The following PCDHGA7 variants were observed in gnomAD, a reference collection of about 807,000 sequenced individuals.
PCDHGA7 encodes the protein protocadherin gamma subfamily A, 7.
In PCDHGA7, 44 loss-of-function variants were observed where a neutral mutation model predicts 58.3. The observed-to-expected ratio is 0.75, with a 90% confidence interval of 0.59 to 0.97. The LOEUF (loss-of-function observed/expected upper bound fraction) is 0.97, where lower values mean the gene tolerates loss of function less well. Among genes scored for constraint, PCDHGA7 ranks in the 50% least tolerant of loss-of-function variants. The pLI is 0.00. For synonymous variants in PCDHGA7, 516 were observed against 504.2 expected, an observed-to-expected ratio of 1.02 and a Z score of -0.31; for missense variants, 1,266 against 1,188.7, an observed-to-expected ratio of 1.06 and a Z score of -0.96.
At chr5:141,411,489 T>C (rs1229059443) in intron 1 of PCDHGA7, 1 of 152,090 alleles carries the variant, frequency 6.6e-6, no homozygotes, top group Non-Finnish European at 1.5e-5. Context: ...GAGGCTGAGC[T>C]GGGTGGATTG....
At chr5:141,447,023 G>GT (rs5871773) in intron 1 of PCDHGA7, among the ~76,000 whole-genome samples, 28,105 of 151,474 alleles carry the variant, frequency 0.19, 2,731 homozygotes, top group African/African-American at 0.24. Context: ...GTTTTGTTTT[G>GT]TTTTTTTTCT....
intron 1 of PCDHGA7, chr5:141,399,873 C>T (rs1331485851): frequency 1.9e-6 from 3 of 1,612,836 alleles, no homozygotes; most frequent in Non-Finnish European, 2.5e-6. Context: ...AGCCCGGCTA[C>T]CTGGTGACCA....
At chr5:141,422,142 G>T in intron 1 of PCDHGA7, 1 of 1,583,694 alleles carries the variant, frequency 6.3e-7, no homozygotes, top group Non-Finnish European at 8.5e-7. Flanking sequence ...TTCAAGTACG[G>T]GGGTCTCTGG....
intron 1 of PCDHGA7, among the ~76,000 whole-genome samples, chr5:141,492,421 C>G (rs986772215): frequency 5.9e-5 from 9 of 152,250 alleles, no homozygotes; most frequent in African/African-American, 1.9e-4. Context: ...CTCCCTCCGC[C>G]GGGCTCAGGA....
At chr5:141,450,626 A>G (rs1474729472) in intron 1 of PCDHGA7, among the ~76,000 whole-genome samples, 1 of 151,438 alleles carries the variant, frequency 6.6e-6, no homozygotes, top group East Asian at 2.0e-4. Context: ...AGCTGGGATT[A>G]CAGATGCCTG....
At chr5:141,430,918 G>T (rs766412276) in intron 1 of PCDHGA7, 2 of 1,607,866 alleles carry the variant, frequency 1.2e-6, no homozygotes, top group South Asian at 2.2e-5. Context: ...GGGACCTGGG[G>T]CTGGAGCCCC....
chr5:141,394,269 C>T (rs367765478), intron 1 of PCDHGA7: 2 of 1,613,948 alleles, frequency 1.2e-6, no homozygotes, highest in Admixed American at 3.3e-5. Context: ...GGAGAATGCC[C>T]AGGTCACTTA....
At chr5:141,467,704 C>T (rs2099149502) in intron 1 of PCDHGA7, among the ~76,000 whole-genome samples, 2 of 152,174 alleles carry the variant, frequency 1.3e-5, no homozygotes. Flanking sequence ...CTCTGTTGCC[C>T]AGGCTGGAGT....
intron 1 of PCDHGA7, among the ~76,000 whole-genome samples, chr5:141,451,788 A>C (rs531473040): frequency 6.6e-6 from 1 of 152,140 alleles, no homozygotes; most frequent in African/African-American, 2.4e-5. Flanking sequence ...GGCTGAGGCC[A>C]GAGAATTGCT....
rs748605515 is a variant in PCDHGA7 at position 141,486,688 on chromosome 5, C to T, written c.2425-8119C>T. ...CCAGGAATCGAGATGTATCAGCTTC[C>T]TCTTTCATCTCTCTGAACCCCCAGA... On this transcript the variant is annotated intron_variant, in intron 1 of 3. Transcript: ENST00000518325. The surrounding 1 kb of genome is among the most constrained non-coding windows in gnomAD (Gnocchi z 5.0). 2 of 1,614,170 alleles carry T rather than the reference C, an allele frequency of 1.2e-6. No individual in the cohort carries two copies. The highest frequency in any genetic ancestry group is 1.1e-5 in the South Asian group (1 of 91,086).
At chr5:141,498,011 G>A (rs995865984) in intron 2 of PCDHGA7, among the ~76,000 whole-genome samples, 2 of 152,204 alleles carry the variant, frequency 1.3e-5, no homozygotes, top group Non-Finnish European at 2.9e-5. Flanking sequence ...ACAGTGCACT[G>A]AAGGAGACAA....
At chr5:141,497,013 A>G (rs2099773320) in intron 2 of PCDHGA7, among the ~76,000 whole-genome samples, 1 of 151,990 alleles carries the variant, frequency 6.6e-6, no homozygotes, top group Admixed American at 6.6e-5. Context: ...ACATGGTGAA[A>G]CCCCATCTCG....
intron 1 of PCDHGA7, chr5:141,405,019 T>C (rs2094597771): frequency 6.2e-7 from 1 of 1,613,860 alleles, no homozygotes; most frequent in African/African-American, 1.3e-5. Flanking sequence ...CCTCAGACCT[T>C]ACCCTCTACC....
At chr5:141,394,338 T>C in intron 1 of PCDHGA7, 2 of 1,614,048 alleles carry the variant, frequency 1.2e-6, no homozygotes, top group Non-Finnish European at 1.7e-6. Flanking sequence ...CTCCATCAAC[T>C]CTGACACCGG....
Position 141,432,388 on chromosome 5 carries a change from C to T in PCDHGA7, c.2424+47065C>T. The T allele has an allele frequency of 6.2e-7, 1 of 1,614,258 alleles. No homozygotes were observed. The highest frequency in any genetic ancestry group is 2.2e-5 in the East Asian group (1 of 44,892). The stretch of plus-strand genomic sequence containing the variant: ...GGGACAACGGGCACCCGCCCCTCAG[C>T]AGCAACGTGTCGTTGAGCCTGTTCG... On this transcript the variant is annotated intron_variant, in intron 1 of 3. Transcript: ENST00000518325. This position sits in a 1 kb window ranked among gnomAD's most constrained non-coding sequence, Gnocchi z 6.0.
chr5:141,509,811 C>T (rs1321920000), intron 3 of PCDHGA7, among the ~76,000 whole-genome samples: 1 of 152,168 alleles, frequency 6.6e-6, no homozygotes, highest in African/African-American at 2.4e-5. Flanking sequence ...TAGAGCCGAG[C>T]TCTTCTCCAT....
chr5:141,485,827 G>A lies in PCDHGA7; in HGVS notation c.2425-8980G>A. 1 of 1,614,154 alleles carries A rather than the reference G, an allele frequency of 6.2e-7. No individual in the cohort carries two copies. The highest frequency in any genetic ancestry group is 1.1e-5 in the South Asian group (1 of 91,080). On this transcript the variant is annotated intron_variant, in intron 1 of 3. Coordinates refer to ENST00000518325, the MANE Select transcript of PCDHGA7 (RefSeq NM_018920.4). The surrounding 1 kb of genome is among the most constrained non-coding windows in gnomAD (Gnocchi z 5.7). Reference sequence around the variant, plus strand: ...TGGTGCTGACTGCTGTCGATGGAGGGAACCCGCCGAGATCTGGCACCGCAG... The same window carrying A: ...TGGTGCTGACTGCTGTCGATGGAGGAAACCCGCCGAGATCTGGCACCGCAG...
intron 1 of PCDHGA7, chr5:141,478,608 G>C (rs751033009): frequency 7.7e-6 from 12 of 1,558,942 alleles, no homozygotes; most frequent in Middle Eastern, 1.7e-4. Context: ...ATCATATTGA[G>C]GAAGGAATGG....
chr5:141,480,065 A>G (rs2099511928), intron 1 of PCDHGA7, among the ~76,000 whole-genome samples: 1 of 152,220 alleles, frequency 6.6e-6, no homozygotes, highest in Non-Finnish European at 1.5e-5. Flanking sequence ...TAAGTGTTTT[A>G]TAAGATTCAT....
Sources: allele counts gnomAD v4.1 joint callset (sites outside exome capture counted in the v4.1 genomes callset), GRCh38; gene constraint gnomAD v4.1.1; non-coding constraint Gnocchi (gnomAD v3.1); transcripts MANE v1.5; gene names NCBI Gene and HGNC (gene_info 2026-07-23, HGNC 2026-07-21).